BMPR1B: variants seen among roughly 807,000 people sequenced by gnomAD.
The protein encoded by BMPR1B is bone morphogenetic protein receptor type 1B, also known as bone morphogenetic protein receptor type-1B.
Under a neutral mutation model 59.1 loss-of-function variants are expected in BMPR1B, and 12 were observed. That is an observed-to-expected ratio of 0.20 (90% CI 0.13 to 0.33). The LOEUF (loss-of-function observed/expected upper bound fraction) is 0.33. BMPR1B is among the 10% of genes least tolerant of loss of function. The probability of loss-of-function intolerance (pLI) is 1.00; values close to 1 mark genes in which losing one functional copy is unlikely to be tolerated. For missense variants in BMPR1B, 550 were observed against 610.9 expected, an observed-to-expected ratio of 0.90 and a Z score of 1.05; for synonymous variants, 237 against 207.3, an observed-to-expected ratio of 1.14 and a Z score of -1.23.
At chr4:95,112,566 G>A (rs1025343821) in intron 4 of BMPR1B, among the ~76,000 whole-genome samples, 1 of 152,044 alleles carries the variant, frequency 6.6e-6, no homozygotes, top group Non-Finnish European at 1.5e-5. Context: ...TTGCTTTGTG[G>A]CAGCTAATAT....
chr4:94,982,927 G>A (rs1041402742), intron 2 of BMPR1B, among the ~76,000 whole-genome samples: 2 of 151,842 alleles, frequency 1.3e-5, no homozygotes, highest in Admixed American at 6.6e-5. Context: ...GGAGATTGTC[G>A]TGAGAGGAGA....
chr4:94,964,888 A>G (rs1160834494), intron 2 of BMPR1B, among the ~76,000 whole-genome samples: 1 of 152,140 alleles, frequency 6.6e-6, no homozygotes, highest in Non-Finnish European at 1.5e-5. Context: ...TTTCAGGTAT[A>G]TTCCAACCCT....
intron 3 of BMPR1B, among the ~76,000 whole-genome samples, chr4:95,061,160 AACACACACACACACACACACAC>A (rs58119571): frequency 0.26 from 37,314 of 142,650 alleles, 5,815 homozygotes; most frequent in South Asian, 0.38. Context: ...ATTTAGAATA[AACACACACACACACACACACAC>A]ACACACACAC....
At chr4:95,117,929 A>T (rs1428240190) in intron 6 of BMPR1B, among the ~76,000 whole-genome samples, 2 of 152,192 alleles carry the variant, frequency 1.3e-5, no homozygotes, top group Non-Finnish European at 2.9e-5. Context: ...AGGACAGAGT[A>T]AAAAGGCTTA....
chr4:95,074,264 A>G (rs1728536705), intron 3 of BMPR1B, among the ~76,000 whole-genome samples: 1 of 152,134 alleles, frequency 6.6e-6, no homozygotes, highest in South Asian at 2.1e-4. Flanking sequence ...CTGTATTGCA[A>G]TATGAAAAAT....
chr4:95,098,252 A>C (rs575127212), intron 3 of BMPR1B, among the ~76,000 whole-genome samples: 17 of 152,258 alleles, frequency 1.1e-4, no homozygotes, highest in African/African-American at 3.8e-4. Context: ...TTATTTCAGC[A>C]TCATAATTAC....
At position 94,793,014 on chromosome 4, in the gene BMPR1B, C is replaced by CT. The variant is rs777897684; in HGVS notation, c.-183+34955dup. Among the ~76,000 whole-genome samples, 129 of 140,420 alleles carry CT rather than the reference C, an allele frequency of 9.2e-4. 1 individual carries two copies. Among genetic ancestry groups the CT allele is most frequent in the African/African-American group, 1.8e-3 (70 of 38,056 alleles). The allele number at this position is 140,420 out of a possible 152,430, so 92.1% of individuals were successfully genotyped here. A position where few individuals can be genotyped will look rare whatever the true frequency, so the allele number is the denominator to read the frequency against. Reference sequence around the variant, plus strand: ...AGGATCTATAGAAAACTTTTTTTTTCTTTTTTTTTATTATTATTATACTTT... The same window carrying CT: ...AGGATCTATAGAAAACTTTTTTTTTCTTTTTTTTTTATTATTATTATACTTT... On this transcript the variant is annotated intron_variant, in intron 1 of 12. Coordinates refer to ENST00000515059, the MANE Select transcript of BMPR1B (RefSeq NM_001203.3).
At chr4:95,000,778 A>T (rs1365726583) in intron 3 of BMPR1B, among the ~76,000 whole-genome samples, 3 of 152,214 alleles carry the variant, frequency 2.0e-5, no homozygotes, top group Admixed American at 6.5e-5. Flanking sequence ...AGCAGCACCA[A>T]GAAAAGCTCA....
intron 1 of BMPR1B, among the ~76,000 whole-genome samples, chr4:94,839,928 C>T (rs1051238905): frequency 5.3e-5 from 8 of 151,882 alleles, no homozygotes; most frequent in Non-Finnish European, 1.2e-4. Flanking sequence ...TTAGTGCTTC[C>T]TTCAGGAGCT....
At chr4:95,015,592 G>T (rs1723528340) in intron 3 of BMPR1B, among the ~76,000 whole-genome samples, 1 of 151,982 alleles carries the variant, frequency 6.6e-6, no homozygotes, top group Admixed American at 6.6e-5. Flanking sequence ...TCACTGTGTT[G>T]CCCAGGCTGG....
chr4:95,097,893 G>A (rs1326910070), intron 3 of BMPR1B, among the ~76,000 whole-genome samples: 1 of 152,182 alleles, frequency 6.6e-6, no homozygotes, highest in East Asian at 1.9e-4. Flanking sequence ...TTAGTAAACA[G>A]AATGTACTAA....
chr4:94,901,023 G>A (rs532218717), intron 2 of BMPR1B, among the ~76,000 whole-genome samples: 1 of 152,028 alleles, frequency 6.6e-6, no homozygotes, highest in East Asian at 2.0e-4. Context: ...TCCAACCCTG[G>A]AACCCCTTGG....
At chr4:95,079,952 T>G (rs973049626) in intron 3 of BMPR1B, among the ~76,000 whole-genome samples, 3 of 152,150 alleles carry the variant, frequency 2.0e-5, no homozygotes, top group Non-Finnish European at 4.4e-5. Flanking sequence ...ATGATTCATT[T>G]CTTCTTTTCC....
rs35278466 is a variant in BMPR1B at position 94,829,327 on chromosome 4, C to CTT, written c.-182-46489_-182-46488dup. Among the ~76,000 whole-genome samples the CTT allele has an allele frequency of 4.6e-3, 631 of 136,836 alleles. 4 individuals carry two copies. Among genetic ancestry groups the CTT allele is most frequent in the South Asian group, 0.011 (47 of 4,346 alleles). 89.8% of individuals were successfully genotyped at this position (136,836 alleles called of 152,430 possible). A position where few individuals can be genotyped will look rare whatever the true frequency, so the allele number is the denominator to read the frequency against. ...TTCTTTCAACAATGATTTTATTTTC[C>CTT]TTTTTTTTTTTTTTTTGGGACACTG... On this transcript the variant is annotated intron_variant, in intron 1 of 12. Transcript: ENST00000515059.
At chr4:94,781,124 T>C (rs992661823) in intron 1 of BMPR1B, among the ~76,000 whole-genome samples, 1 of 152,236 alleles carries the variant, frequency 6.6e-6, no homozygotes, top group African/African-American at 2.4e-5. Context: ...GTATGTCTTA[T>C]TTGGAGAAAT....
intron 10 of BMPR1B, among the ~76,000 whole-genome samples, chr4:95,137,234 A>T (rs1465039991): frequency 6.6e-6 from 1 of 152,188 alleles, no homozygotes; most frequent in Non-Finnish European, 1.5e-5. Context: ...TAAGTTTCTT[A>T]ATCCTGAGTT....
At chr4:95,093,780 A>G (rs1730172757) in intron 3 of BMPR1B, among the ~76,000 whole-genome samples, 1 of 152,118 alleles carries the variant, frequency 6.6e-6, no homozygotes, top group Admixed American at 6.6e-5. Context: ...GTCAGTGAAT[A>G]GAAACACTCA....
chr4:94,801,263 G>A (rs1723396005), intron 1 of BMPR1B, among the ~76,000 whole-genome samples: 2 of 152,304 alleles, frequency 1.3e-5, no homozygotes, highest in Admixed American at 1.3e-4. Context: ...CACCCTGGTG[G>A]TAAGAAACTA....
At chr4:95,130,723 C>CTTTTTTTTTTTTTTTTTTT (rs148720302) in intron 9 of BMPR1B, among the ~76,000 whole-genome samples, 1 of 77,928 alleles carries the variant, frequency 1.3e-5, no homozygotes, top group Non-Finnish European at 2.2e-5. Context: ...CTTTTCTTTT[C>CTTTTTTTTTTTTTTTTTTT]TTTTTTTTTT....
Sources: gnomAD v4.1 joint callset for allele counts (sites outside exome capture counted in the v4.1 genomes callset) on GRCh38, gnomAD v4.1.1 for gene constraint, MANE v1.5 for transcripts, NCBI Gene and HGNC (gene_info 2026-07-23, HGNC 2026-07-21) for gene names.